The following ATP2B1 variants were observed in gnomAD, a reference collection of about 807,000 sequenced individuals.
ATP2B1 encodes the protein plasma membrane calcium-transporting ATPase 1.
Under a neutral mutation model 124.2 loss-of-function variants are expected in ATP2B1, and 14 were observed. That is an observed-to-expected ratio of 0.11 (90% CI 0.07 to 0.18). ATP2B1 has a LOEUF of 0.18. ATP2B1 is among the 10% of genes least tolerant of loss of function. The pLI, the probability that ATP2B1 is intolerant of heterozygous loss-of-function variation, is 1.00. For missense variants in ATP2B1, 763 were observed against 1,466.1 expected, an observed-to-expected ratio of 0.52 and a Z score of 7.83; for synonymous variants, 449 against 492.4, an observed-to-expected ratio of 0.91 and a Z score of 1.17.
intron 15 of ATP2B1, 69 bp downstream of exon 15, chr12:89,609,868 A>C (rs1877663431): frequency 7.9e-7 from 1 of 1,270,252 alleles, no homozygotes; most frequent in African/African-American, 1.5e-5. Flanking sequence ...TTTAGTCAAC[A>C]AACAAACAAA....
At chr12:89,641,669 A>G (rs1883525962) in intron 3 of ATP2B1, among the ~76,000 whole-genome samples, 1 of 152,182 alleles carries the variant, frequency 6.6e-6, no homozygotes. Context: ...CCTATAGTAT[A>G]ATGGCAAGGA....
rs1393453516 is a variant in ATP2B1, at chr12:89,590,238, T to C, written c.*746A>G. 6.6e-6 allele frequency: 1 copy of C among 152,532 alleles called. No individual in the cohort carries two copies. Among genetic ancestry groups the C allele is most frequent in the Non-Finnish European group, 1.5e-5 (1 of 68,002 alleles). 9.4% of individuals were successfully genotyped at this position (152,532 alleles called of 1,614,324 possible). A position where few individuals can be genotyped will look rare whatever the true frequency, so the allele number is the denominator to read the frequency against. ...TATTTAAGAAACTAATTAGGACAGA[T>C]GTCATAACTTCATTAGAACACCACT... On this transcript the variant is annotated 3_prime_UTR_variant, in exon 21 of 21. Coordinates refer to ENST00000428670, the MANE Select transcript of ATP2B1 (RefSeq NM_001366521.1).
intron 1 of ATP2B1, among the ~76,000 whole-genome samples, chr12:89,677,037 C>A (rs933067288): frequency 3.1e-5 from 3 of 95,362 alleles, no homozygotes; most frequent in African/African-American, 1.0e-4. Flanking sequence ...ACCACCACCA[C>A]CAAACAAAGA....
At chr12:89,601,570 A>G (rs1397940198) in intron 18 of ATP2B1, 137 bp from the exon 19 acceptor site, 2 of 477,210 alleles carry the variant, frequency 4.2e-6, no homozygotes, top group Non-Finnish European at 7.1e-6. Flanking sequence ...ATTAGTCACA[A>G]CTGAAAATAA....
chr12:89,619,928 T>TAAC (rs1879692010), intron 11 of ATP2B1, 71 bp downstream of exon 11: 1 of 1,543,906 alleles, frequency 6.5e-7, no homozygotes. Context: ...ACAACAACAA[T>TAAC]AACAACACAG....
chr12:89,674,591 T>C lies in ATP2B1; in HGVS notation c.-221-18484A>G, dbSNP rs115519169. 4.2e-3 allele frequency among the ~76,000 whole-genome samples: 646 copies of C among 152,346 alleles called. 3 individuals carry two copies. Among genetic ancestry groups the C allele is most frequent in the African/African-American group, 0.015 (607 of 41,582 alleles). On this transcript the variant is annotated intron_variant, in intron 1 of 20. Coordinates refer to ENST00000428670, the MANE Select transcript of ATP2B1 (RefSeq NM_001366521.1). ...TTTACATAAAGTGGATGATTATTAA[T>C]GATGATGGTAACAATAGCTAACATT...
chr12:89,612,674 CAGTGTAAATCTAACTT>C (rs1296767519), intron 12 of ATP2B1, among the ~76,000 whole-genome samples: 3 of 152,186 alleles, frequency 2.0e-5, no homozygotes, highest in Non-Finnish European at 2.9e-5. Context: ...ATCCTAAATC[CAGTGTAAATCTAACTT>C]ATCTGGAGCT....
chr12:89,703,406 T>C (rs1386669099), intron 1 of ATP2B1, among the ~76,000 whole-genome samples: 1 of 152,218 alleles, frequency 6.6e-6, no homozygotes, highest in African/African-American at 2.4e-5. Flanking sequence ...ACTAATATTC[T>C]TGGAAGATCT....
chr12:89,634,787 G>C lies in ATP2B1; in HGVS notation c.778C>G (p.Leu260Val), dbSNP rs1882430036. The change falls in exon 5 of 21, where the codon CTT (leucine) becomes GTT (valine). Residue 260 changes from leucine to valine, a missense_variant. Physicochemically the swap from Leu to Val is conservative, Grantham distance 32. Coordinates refer to ENST00000428670, the MANE Select transcript of ATP2B1 (RefSeq NM_001366521.1). ...VKKSLDKDPLLLSGTHVMEGS... is the reference protein window; with the variant it reads ...VKKSLDKDPLVLSGTHVMEGS... ...TAAATGAAATTTTTACCTGATAGAA[G>C]TAAGGGATCCTTATCTAAAGACTTT... 1 of 1,593,766 alleles carries C rather than the reference G, an allele frequency of 6.3e-7. No homozygotes were observed. Among genetic ancestry groups the C allele is most frequent in the Non-Finnish European group, 8.5e-7 (1 of 1,172,676 alleles).
intron 1 of ATP2B1, among the ~76,000 whole-genome samples, chr12:89,703,731 A>G (rs1892129081): frequency 6.6e-6 from 1 of 152,190 alleles, no homozygotes; most frequent in Non-Finnish European, 1.5e-5. Context: ...CTGGGCATAC[A>G]TAGATAACAG....
intron 1 of ATP2B1, among the ~76,000 whole-genome samples, chr12:89,666,618 C>CT (rs1456133397): frequency 2.6e-5 from 4 of 152,206 alleles, no homozygotes; most frequent in Non-Finnish European, 5.9e-5. Flanking sequence ...CTTTATCCTC[C>CT]TACCACCCAT....
intron 20 of ATP2B1, among the ~76,000 whole-genome samples, chr12:89,595,358 A>C (rs1055449452): frequency 6.6e-6 from 1 of 151,604 alleles, no homozygotes; most frequent in Admixed American, 6.6e-5. Context: ...TTTATTCAGG[A>C]AAAAAAAATC....
intron 20 of ATP2B1, among the ~76,000 whole-genome samples, chr12:89,592,796 C>G (rs926507964): frequency 6.6e-6 from 1 of 152,002 alleles, no homozygotes; most frequent in Non-Finnish European, 1.5e-5. Context: ...TCACAAGTAT[C>G]GAGGCCAGGG....
At chr12:89,689,528 T>C (rs1048679447) in intron 1 of ATP2B1, among the ~76,000 whole-genome samples, 2 of 152,136 alleles carry the variant, frequency 1.3e-5, no homozygotes, top group Non-Finnish European at 2.9e-5. Context: ...TGGCCTGCCT[T>C]TCTGGCCCCA....
intron 8 of ATP2B1, among the ~76,000 whole-genome samples, chr12:89,625,732 A>G (rs908964960): frequency 1.3e-5 from 2 of 152,206 alleles, no homozygotes; most frequent in African/African-American, 2.4e-5. Context: ...TACATGAGTC[A>G]GCATTACCAC....
chr12:89,705,620 T>A (rs2113894), intron 1 of ATP2B1, among the ~76,000 whole-genome samples: 115,364 of 152,098 alleles, frequency 0.76, 44,458 homozygotes, highest in Non-Finnish European at 0.82. Flanking sequence ...TGTCTGTCAG[T>A]CAAAGGAAAT....
intron 15 of ATP2B1, among the ~76,000 whole-genome samples, chr12:89,604,757 G>A (rs1231874548): frequency 6.6e-6 from 1 of 152,128 alleles, no homozygotes; most frequent in African/African-American, 2.4e-5. Context: ...CTAGAAAGCA[G>A]ACAGCCAAAT....
At position 89,601,297 on chromosome 12, in the gene ATP2B1, G is replaced by C. The variant is rs781071734; in HGVS notation, c.3168+29C>G. The C allele has an allele frequency of 5.9e-4, 846 of 1,443,566 alleles. 1 individual carries two copies. The highest frequency in any genetic ancestry group is 7.7e-4 in the Non-Finnish European group (815 of 1,063,170). 89.4% of individuals were successfully genotyped at this position (1,443,566 alleles called of 1,614,324 possible). A position where few individuals can be genotyped will look rare whatever the true frequency, so the allele number is the denominator to read the frequency against. ...AAATTAAAAAAAAAAATCACTTTAGGTTTAAACAAAAACTGATGAAATTTT... is the reference window on the plus strand; with the variant it reads ...AAATTAAAAAAAAAAATCACTTTAGCTTTAAACAAAAACTGATGAAATTTT... On this transcript the variant is annotated intron_variant, in intron 19 of 20. Coordinates refer to ENST00000428670, the MANE Select transcript of ATP2B1 (RefSeq NM_001366521.1).
At chr12:89,656,337 CTG>C (rs1885951931) in intron 1 of ATP2B1, among the ~76,000 whole-genome samples, 1 of 152,170 alleles carries the variant, frequency 6.6e-6, no homozygotes, top group African/African-American at 2.4e-5. Flanking sequence ...TTAAATAAAA[CTG>C]CACTTCACAT....
Sources: gnomAD v4.1 joint callset for allele counts (sites outside exome capture counted in the v4.1 genomes callset) on GRCh38, gnomAD v4.1.1 for gene constraint, MANE v1.5 for transcripts, NCBI Gene and HGNC (gene_info 2026-07-23, HGNC 2026-07-21) for gene names.